PHF13: variants seen among roughly 807,000 people sequenced by gnomAD.
PHF13 encodes the protein PHD finger protein 13, also known as PHD zinc finger protein PHF5.
In PHF13, 1 loss-of-function variant was observed where a neutral mutation model predicts 25.8. That is an observed-to-expected ratio of 0.04 (90% confidence interval 0.01 to 0.18). The LOEUF is 0.18. Among genes scored for constraint, PHF13 ranks in the 10% least tolerant of loss-of-function variants. The pLI is 1.00. For missense variants in PHF13, 306 were observed against 403.2 expected, an observed-to-expected ratio of 0.76 and a Z score of 2.06; for synonymous variants, 195 against 162.4, an observed-to-expected ratio of 1.20 and a Z score of -1.53.
chr1:6,617,983 C>T (rs1056621499), intron 2 of PHF13, among the ~76,000 whole-genome samples: 9 of 152,166 alleles, frequency 5.9e-5, no homozygotes, highest in African/African-American at 1.9e-4. Flanking sequence ...GCCCGAAATG[C>T]GTATGATTGT....
rs1570219433 is a variant in PHF13 at position 6,613,787 on chromosome 1, T to G, written c.-280T>G. ...GCGTCAGGTCGGGGAGCCGGTCGGG[T>G]TCCCGCTCACCGCCGCCGCCGCCGC... is the stretch of plus-strand genomic sequence containing the variant. On this transcript the variant is annotated 5_prime_UTR_variant, in exon 1 of 4. Transcript: ENST00000377648. 5.7e-6 allele frequency: 1 copy of G among 174,718 alleles called. No homozygotes were observed. The highest frequency in any genetic ancestry group is 1.1e-5 in the Non-Finnish European group (1 of 88,754). 10.8% of individuals were successfully genotyped at this position (174,718 alleles called of 1,614,324 possible).
chr1:6,614,629 G>C (rs1641227740), intron 1 of PHF13: 1 of 147,474 alleles, frequency 6.8e-6, no homozygotes, highest in African/African-American at 2.5e-5. Context: ...GGGCCCAGTC[G>C]GCCCCCGCCC....
In PHF13 at chr1:6,621,642, T is replaced by C; in HGVS notation, c.*5T>C. 6.2e-7 allele frequency: 1 copy of C among 1,613,174 alleles called. No individual in the cohort carries two copies. The highest frequency in any genetic ancestry group is 8.5e-7 in the Non-Finnish European group (1 of 1,179,432). On this transcript the variant is annotated 3_prime_UTR_variant, in exon 4 of 4. Transcript: ENST00000377648. This position sits in a 1 kb window ranked among gnomAD's most constrained non-coding sequence, Gnocchi z 4.8. ...CGGAAGCTGTTCCTGGACTGACTGC[T>C]GGCTGGCGAGGAGGCTGCGAGCGTG...
At chr1:6,617,063 C>T (rs1252878178) in intron 2 of PHF13, among the ~76,000 whole-genome samples, 1 of 152,214 alleles carries the variant, frequency 6.6e-6, no homozygotes, top group African/African-American at 2.4e-5. Flanking sequence ...CTGGTAAAAA[C>T]TCTGGTAGAA....
Position 6,613,899 on chromosome 1 carries a change from A to C in PHF13, c.-168A>C. Reference sequence around the variant, plus strand: ...GGTGGAACCGCCAGTCCGGGGTCACAGAGCTTGAGAAGCGACGCGCTGAGC... The same window carrying C: ...GGTGGAACCGCCAGTCCGGGGTCACCGAGCTTGAGAAGCGACGCGCTGAGC... On this transcript the variant is annotated 5_prime_UTR_variant, in exon 1 of 4. Coordinates refer to ENST00000377648, the MANE Select transcript of PHF13 (RefSeq NM_153812.3). 1 of 525,064 alleles carries C rather than the reference A, an allele frequency of 1.9e-6. No homozygotes were observed. The highest frequency in any genetic ancestry group is 3.3e-6 in the Non-Finnish European group (1 of 301,142). The allele number at this position is 525,064 out of a possible 1,614,324, so 32.5% of individuals were successfully genotyped here.
chr1:6,614,389 C>T, intron 1 of PHF13: 2 of 415,584 alleles, frequency 4.8e-6, no homozygotes, highest in Non-Finnish European at 8.7e-6. Flanking sequence ...CGCCCCTCTC[C>T]GGCCTCGCGT....
At chr1:6,614,296 G>GCCTCCGCGTCCCCTCCGCGGA (rs1176878808) in intron 1 of PHF13, among the ~76,000 whole-genome samples, 191 bp downstream of exon 1, 14 of 132,182 alleles carry the variant, frequency 1.1e-4, no homozygotes, top group Non-Finnish European at 2.0e-4. Context: ...GCCGGGCCTC[G>GCCTCCGCGTCCCCTCCGCGGA]CCTCCGCGTC....
At chr1:6,616,145 C>T (rs1048377861) in intron 1 of PHF13, among the ~76,000 whole-genome samples, 2 of 150,266 alleles carry the variant, frequency 1.3e-5, no homozygotes, top group African/African-American at 4.9e-5. Flanking sequence ...TCTCCTGCCT[C>T]AGCCTCCTGA....
rs1570230767 is a variant in PHF13 at position 6,621,586 on chromosome 1, C to A, written c.852C>A (p.Ile284=). Residue 284 remains isoleucine, a synonymous_variant, in exon 4 of 4, where the codon ATC becomes ATA. Transcript: ENST00000377648. This position sits in a 1 kb window ranked among gnomAD's most constrained non-coding sequence, Gnocchi z 4.8. ...CQKCRDSKFD[I]RRSNRSRTGS... is the part of the protein sequence containing the mutation. Reference sequence around the variant, plus strand: ...AGTGCCGGGACTCCAAGTTTGACATCCGCCGTTCCAACCGCTCGCGGACGG... The same window carrying A: ...AGTGCCGGGACTCCAAGTTTGACATACGCCGTTCCAACCGCTCGCGGACGG... The A allele has an allele frequency of 6.2e-7, 1 of 1,614,228 alleles. No homozygotes were observed. The highest frequency in any genetic ancestry group is 8.5e-7 in the Non-Finnish European group (1 of 1,180,040).
intron 1 of PHF13, among the ~76,000 whole-genome samples, chr1:6,615,273 C>T (rs1641243171): frequency 6.6e-6 from 1 of 152,138 alleles, no homozygotes; most frequent in South Asian, 2.1e-4. Flanking sequence ...GCTGGTTCCC[C>T]GCCGAAAGAA....
chr1:6,613,758 C>A lies in PHF13; in HGVS notation c.-309C>A. On this transcript the variant is annotated 5_prime_UTR_variant, in exon 1 of 4. It adds an upstream start codon to the 5' untranslated region. Transcript: ENST00000377648. ...CCTCCCTCCCGAGACACGAGCCGAA[C>A]TGGGCGTCAGGTCGGGGAGCCGGTC... The A allele has an allele frequency of 4.8e-6, 1 of 208,242 alleles. No individual in the cohort carries two copies. The highest frequency in any genetic ancestry group is 9.7e-6 in the Non-Finnish European group (1 of 103,194). 12.9% of individuals were successfully genotyped at this position (208,242 alleles called of 1,614,324 possible).
chr1:6,616,837 C>G lies in PHF13; in HGVS notation c.120C>G (p.Gly40=), dbSNP rs763841610. Residue 40 remains glycine (G), a synonymous_variant, in exon 2 of 4, where the codon GGC becomes GGG. Coordinates refer to ENST00000377648, the MANE Select transcript of PHF13 (RefSeq NM_153812.3). ...GCACCTTTGTCTTGGCCTATGCTGG[C>G]TACATCCCTTATCCGAAGGAGGTAA... The part of the protein sequence containing the change: ...KFCTFVLAYA[G]YIPYPKEELP... The G allele has an allele frequency of 1.2e-6, 2 of 1,614,046 alleles. No individual in the cohort carries two copies. The highest frequency in any genetic ancestry group is 3.3e-5 in the Admixed American group (2 of 60,022).
At chr1:6,616,903 C>T in intron 2 of PHF13, 45 bp downstream of exon 2, 6 of 1,536,034 alleles carry the variant, frequency 3.9e-6, no homozygotes, top group South Asian at 1.1e-5. Context: ...AGTAGTCAAA[C>T]CCAGTGCCTC....
At chr1:6,620,816 G>A (rs1470480417) in intron 3 of PHF13, among the ~76,000 whole-genome samples, 4 of 151,576 alleles carry the variant, frequency 2.6e-5, no homozygotes, top group Non-Finnish European at 5.9e-5. Flanking sequence ...TCAGGAGTTC[G>A]AGACCAGCCT....
Position 6,621,363 on chromosome 1 carries a change from G to A in PHF13, c.677-48G>A. 2 of 1,590,920 alleles carry A rather than the reference G, an allele frequency of 1.3e-6. No individual in the cohort carries two copies. Among genetic ancestry groups the A allele is most frequent in the South Asian group, 1.1e-5 (1 of 89,974 alleles). Reference sequence around the variant, plus strand: ...TCATGGAAGCCCAGCTGATGGCGAGGAATGATGGGAATTTCTCTTCCCTCC... The same window carrying A: ...TCATGGAAGCCCAGCTGATGGCGAGAAATGATGGGAATTTCTCTTCCCTCC... On this transcript the variant is annotated intron_variant, in intron 3 of 3. Transcript: ENST00000377648. The surrounding 1 kb of genome is among the most constrained non-coding windows in gnomAD (Gnocchi z 4.8).
rs1435151948 is a variant in PHF13 at position 6,622,372 on chromosome 1, CTTT to C, written c.*738_*740del. On this transcript the variant is annotated 3_prime_UTR_variant, in exon 4 of 4. Transcript: ENST00000377648. The stretch of plus-strand genomic sequence containing the variant: ...GTTTTGCACGATGTAAAAACCCTGT[CTTT>C]TTGCACGATACAGCCAAAAGTATTG... 1 of 153,168 alleles carries C rather than the reference CTTT, an allele frequency of 6.5e-6. No individual in the cohort carries two copies. The highest frequency in any genetic ancestry group is 2.1e-4 in the South Asian group (1 of 4,846). 9.5% of individuals were successfully genotyped at this position (153,168 alleles called of 1,614,324 possible). A position where few individuals can be genotyped will look rare whatever the true frequency, so the allele number is the denominator to read the frequency against.
intron 1 of PHF13, among the ~76,000 whole-genome samples, chr1:6,615,492 AC>A (rs1641247335): frequency 6.6e-6 from 1 of 151,154 alleles, no homozygotes; most frequent in African/African-American, 2.4e-5. Context: ...TCGAAAGAAA[AC>A]CCGCGGGCCG....
intron 1 of PHF13, among the ~76,000 whole-genome samples, chr1:6,614,785 GCTCA>G (rs1336475568): frequency 6.6e-6 from 1 of 151,086 alleles, no homozygotes. Context: ...CTCCGCCCCG[GCTCA>G]CTCCCCCTCC....
At chr1:6,614,336 G>C (rs1387127279) in intron 1 of PHF13, 130 of 519,666 alleles carry the variant, frequency 2.5e-4, no homozygotes, top group Non-Finnish European at 2.1e-4. Context: ...TCCTCCCCGC[G>C]CCCTTTCCCC....
Sources: gnomAD v4.1 joint callset for allele counts (sites outside exome capture counted in the v4.1 genomes callset) on GRCh38, gnomAD v4.1.1 for gene constraint, Gnocchi (gnomAD v3.1) non-coding constraint, MANE v1.5 for transcripts, NCBI Gene and HGNC (gene_info 2026-07-23, HGNC 2026-07-21) for gene names.